The following HSDL1 variants were observed in gnomAD, a reference collection of about 807,000 sequenced individuals.
HSDL1 encodes the protein hydroxysteroid dehydrogenase like 1.
Under a neutral mutation model 31.5 loss-of-function variants are expected in HSDL1, and 29 were observed. The observed-to-expected ratio is 0.92, with a 90% confidence interval of 0.69 to 1.26. The LOEUF (loss-of-function observed/expected upper bound fraction) is 1.26. Among genes scored for constraint, HSDL1 ranks in the 50% most tolerant of loss-of-function variants. The probability of loss-of-function intolerance (pLI) is 0.00; values close to 1 mark genes in which losing one functional copy is unlikely to be tolerated. For synonymous variants in HSDL1, 222 were observed against 155.2 expected, an observed-to-expected ratio of 1.43 and a Z score of -3.20; for missense variants, 503 against 416.6, an observed-to-expected ratio of 1.21 and a Z score of -1.81.
At chr16:84,126,216 G>A (rs932058121) in intron 5 of HSDL1, among the ~76,000 whole-genome samples, 3 of 152,084 alleles carry the variant, frequency 2.0e-5, no homozygotes, top group African/African-American at 7.2e-5. Flanking sequence ...GGGTAGTATG[G>A]AACAAAGTTC....
At chr16:84,142,417 G>T (rs950172287) in intron 1 of HSDL1, among the ~76,000 whole-genome samples, 3 of 149,544 alleles carry the variant, frequency 2.0e-5, no homozygotes, top group African/African-American at 7.4e-5. Context: ...TGTGAGGCTG[G>T]GATCTCACAC....
In HSDL1 at chr16:84,122,361, TTC is replaced by T. The variant is rs1491544850; in HGVS notation, c.*2267_*2268del. ...CTTTCAAAGGTTCATATTTCCCACGTTCTTTTTTTTTTTTTGAGACAGGGTCT... is the reference window on the plus strand; with the variant it reads ...CTTTCAAAGGTTCATATTTCCCACGTTTTTTTTTTTTTTGAGACAGGGTCT... On this transcript the variant is annotated 3_prime_UTR_variant, in exon 6 of 6. Coordinates refer to ENST00000219439, the MANE Select transcript of HSDL1 (RefSeq NM_031463.5). The T allele has an allele frequency of 7.0e-6, 1 of 142,444 alleles. No individual in the cohort carries two copies. The highest frequency in any genetic ancestry group is 1.5e-5 in the Non-Finnish European group (1 of 66,314). The allele number at this position is 142,444 out of a possible 1,614,324, so 8.8% of individuals were successfully genotyped here.
Position 84,130,188 on chromosome 16 carries a change from A to C in HSDL1, c.464T>G (p.Phe155Cys). 1 of 1,614,162 alleles carries C rather than the reference A, an allele frequency of 6.2e-7. No homozygotes were observed. Among genetic ancestry groups the C allele is most frequent in the Non-Finnish European group, 8.5e-7 (1 of 1,180,016 alleles). Residue 155 changes from phenylalanine (F) to cysteine (C), a missense_variant, in exon 4 of 6, where the codon TTT (phenylalanine) becomes TGT (cysteine). Transcript: ENST00000219439. Reference sequence around the variant, plus strand: ...AGTGAAATACTGCGGGTAGGGATAAAACACACCCACGTTATTTACCAAGAT... The same window carrying C: ...AGTGAAATACTGCGGGTAGGGATAACACACACCCACGTTATTTACCAAGAT... ...VGILVNNVGV[F>C]YPYPQYFTQL... is the part of the protein sequence containing the mutation.
chr16:84,125,558 A>G (rs1358124268), intron 5 of HSDL1, among the ~76,000 whole-genome samples: 8 of 151,960 alleles, frequency 5.3e-5, no homozygotes, highest in African/African-American at 9.7e-5. Flanking sequence ...CCACCAATCA[A>G]TCACAACAAA....
At chr16:84,138,377 C>T (rs560599282) in intron 1 of HSDL1, among the ~76,000 whole-genome samples, 4 of 152,224 alleles carry the variant, frequency 2.6e-5, no homozygotes, top group African/African-American at 4.8e-5. Context: ...AAAATGCATA[C>T]GTCTGGAGAG....
intron 1 of HSDL1, among the ~76,000 whole-genome samples, chr16:84,138,916 C>T (rs1011249582): frequency 2.0e-5 from 3 of 152,194 alleles, no homozygotes; most frequent in African/African-American, 7.2e-5. Flanking sequence ...TCCCACTCCA[C>T]AGTGAAGGGG....
In HSDL1 at chr16:84,122,231, C is replaced by G. The variant is rs1597368598; in HGVS notation, c.*2399G>C. Reference sequence around the variant, plus strand: ...ATCACTCCTAAGAAAAAAAAATTCTCTCATTCCAAATTACAAACAACCAAA... The same window carrying G: ...ATCACTCCTAAGAAAAAAAAATTCTGTCATTCCAAATTACAAACAACCAAA... On this transcript the variant is annotated 3_prime_UTR_variant, in exon 6 of 6. Transcript: ENST00000219439. 6.5e-6 allele frequency: 1 copy of G among 152,764 alleles called. No individual in the cohort carries two copies. Among genetic ancestry groups the G allele is most frequent in the East Asian group, 1.9e-4 (1 of 5,184 alleles). The allele number at this position is 152,764 out of a possible 1,614,324, so 9.5% of individuals were successfully genotyped here.
At chr16:84,137,115 C>T (rs775818893) in intron 1 of HSDL1, among the ~76,000 whole-genome samples, 3 of 152,162 alleles carry the variant, frequency 2.0e-5, no homozygotes, top group Non-Finnish European at 1.5e-5. Context: ...ACCAGGACTC[C>T]GTGCCACCCG....
rs552058493 is a variant in HSDL1 at position 84,134,206 on chromosome 16, C to T, written c.-7+1338G>A. Among the ~76,000 whole-genome samples the T allele has an allele frequency of 2.0e-5, 3 of 152,254 alleles. No homozygotes were observed. The East Asian group carries it at 5.8e-4, about 29-fold the overall frequency. ...CACCCCTCCCACAACCCTCCTGCTG[C>T]TGGATATGCTGATGACGGGCACGGT... is the stretch of plus-strand genomic sequence containing the variant. On this transcript the variant is annotated intron_variant, in intron 2 of 5. Coordinates refer to ENST00000219439, the MANE Select transcript of HSDL1 (RefSeq NM_031463.5).
At chr16:84,132,898 A>G (rs1156810521) in intron 2 of HSDL1, among the ~76,000 whole-genome samples, 1 of 152,144 alleles carries the variant, frequency 6.6e-6, no homozygotes, top group Non-Finnish European at 1.5e-5. Context: ...ATATTCTAAA[A>G]AGAACATGAT....
intron 2 of HSDL1, among the ~76,000 whole-genome samples, chr16:84,133,729 GAAAC>G (rs543914153): frequency 2.6e-4 from 40 of 151,992 alleles, no homozygotes; most frequent in African/African-American, 8.7e-4. Flanking sequence ...ACTCCATCTC[GAAAC>G]AAACAAACAA....
rs571957127 is a variant in HSDL1, at chr16:84,129,566, A to G, written c.876T>C (p.Tyr292=). The change falls in exon 5 of 6, where the codon TAT becomes TAC. Residue 292 remains tyrosine (Y), a synonymous_variant. Transcript: ENST00000219439. The part of the protein sequence containing the change: ...TLGISKRTTG[Y]WSHSIQFLFA... ...CTCCTACCTGAATAGAATGGGACCA[A>G]TATCCTGTGGTCCTTTTGGAAATCC... 2.5e-6 allele frequency: 4 copies of G among 1,612,642 alleles called. No individual in the cohort carries two copies. The highest frequency in any genetic ancestry group is 4.5e-5 in the East Asian group (2 of 44,870).
chr16:84,142,333 G>A (rs574807149), intron 1 of HSDL1, among the ~76,000 whole-genome samples: 4 of 151,154 alleles, frequency 2.6e-5, no homozygotes, highest in East Asian at 3.9e-4. Context: ...AAATTTTTTC[G>A]AATTATTTTC....
At chr16:84,144,810 G>T (rs1203768676) in intron 1 of HSDL1, among the ~76,000 whole-genome samples, 2 of 147,088 alleles carry the variant, frequency 1.4e-5, no homozygotes, top group Non-Finnish European at 3.0e-5. Context: ...GGAGCCGGGG[G>T]AAGGGGGGCT....
At chr16:84,144,092 CT>C (rs2086807001) in intron 1 of HSDL1, among the ~76,000 whole-genome samples, 2 of 146,652 alleles carry the variant, frequency 1.4e-5, no homozygotes, top group Non-Finnish European at 1.5e-5. Context: ...CTCTCTCTCT[CT>C]CCTGTGGCGG....
intron 3 of HSDL1, chr16:84,130,880 G>A (rs956463556): frequency 1.9e-5 from 10 of 535,590 alleles, no homozygotes; most frequent in African/African-American, 3.8e-5. Context: ...GGAGGACTGG[G>A]AACAGGAGAG....
At chr16:84,139,634 C>T (rs1191411677) in intron 1 of HSDL1, among the ~76,000 whole-genome samples, 2 of 152,156 alleles carry the variant, frequency 1.3e-5, no homozygotes. Context: ...ACATCAGCCA[C>T]AGGGGATAAG....
At chr16:84,127,901 A>C (rs1296114134) in intron 5 of HSDL1, among the ~76,000 whole-genome samples, 1 of 150,746 alleles carries the variant, frequency 6.6e-6, no homozygotes, top group Non-Finnish European at 1.5e-5. Context: ...TTGTATTTTT[A>C]ATAGAGACGG....
At chr16:84,129,118 CACGCCTGTAATCTCAGCACTTTGGG>C (rs1468988386) in intron 5 of HSDL1, among the ~76,000 whole-genome samples, 1 of 152,090 alleles carries the variant, frequency 6.6e-6, no homozygotes, top group Non-Finnish European at 1.5e-5. Context: ...CACGGTGGCT[CACGCCTGTAATCTCAGCACTTTGGG>C]AGGCTGAGGC....
Sources: allele counts gnomAD v4.1 joint callset (sites outside exome capture counted in the v4.1 genomes callset), GRCh38; gene constraint gnomAD v4.1.1; transcripts MANE v1.5; gene names NCBI Gene and HGNC (gene_info 2026-07-23, HGNC 2026-07-21).